ULK4: variants seen among roughly 807,000 people sequenced by gnomAD.
ULK4 encodes the protein inactive serine/threonine-protein kinase ULK4.
A neutral mutation model predicts 160.6 loss-of-function variants in ULK4; 133 were observed. The observed-to-expected ratio is 0.83, with a 90% CI of 0.72 to 0.96. The LOEUF (loss-of-function observed/expected upper bound fraction) is 0.96. Among genes scored for constraint, ULK4 ranks in the 40% least tolerant of loss-of-function variants. The pLI is 0.00. For synonymous variants in ULK4, 534 were observed against 539.8 expected, an observed-to-expected ratio of 0.99 and a Z score of 0.15; for missense variants, 1,580 against 1,499.5, an observed-to-expected ratio of 1.05 and a Z score of -0.89.
chr3:41,311,899 A>G (rs2080058013), intron 35 of ULK4, among the ~76,000 whole-genome samples: 1 of 143,988 alleles, frequency 6.9e-6, no homozygotes, highest in Non-Finnish European at 1.5e-5. Context: ...TATATATCCT[A>G]TTAGTTCTGT....
intron 21 of ULK4, among the ~76,000 whole-genome samples, chr3:41,772,877 C>A (rs954868117): frequency 6.6e-6 from 1 of 152,190 alleles, no homozygotes; most frequent in Non-Finnish European, 1.5e-5. Context: ...CCACCATGAT[C>A]AAGTGGGCTT....
At chr3:41,532,917 C>T (rs1041689946) in intron 32 of ULK4, among the ~76,000 whole-genome samples, 1 of 152,168 alleles carries the variant, frequency 6.6e-6, no homozygotes, top group East Asian at 1.9e-4. Context: ...TCTTTCTCCA[C>T]CCCTTGAACC....
intron 30 of ULK4, among the ~76,000 whole-genome samples, chr3:41,634,575 G>T (rs554026686): frequency 6.6e-6 from 1 of 152,170 alleles, no homozygotes; most frequent in Non-Finnish European, 1.5e-5. Flanking sequence ...CAAGTTAACA[G>T]GCAAATGTCT....
At chr3:41,819,207 G>A (rs2041062070) in intron 19 of ULK4, among the ~76,000 whole-genome samples, 2 of 152,148 alleles carry the variant, frequency 1.3e-5, no homozygotes, top group African/African-American at 2.4e-5. Flanking sequence ...CCTTTAAAAA[G>A]CAAGACATTT....
chr3:41,531,464 GGGAGGGGAGAGGAGGGGAGA>G (rs370566098), intron 32 of ULK4, among the ~76,000 whole-genome samples: 1,791 of 109,496 alleles, frequency 0.016, 71 homozygotes, highest in African/African-American at 0.066. Flanking sequence ...GGGAGGGGAG[GGGAGGGGAGAGGAGGGGAGA>G]GGAGAGGAGA....
chr3:41,502,595 T>C (rs1480919028), intron 32 of ULK4, among the ~76,000 whole-genome samples: 6 of 152,216 alleles, frequency 3.9e-5, no homozygotes, highest in African/African-American at 9.6e-5. Context: ...AATACAGTCA[T>C]ACAGTGGAAT....
intron 32 of ULK4, among the ~76,000 whole-genome samples, chr3:41,480,016 GCTAACACGATGAAAC>G (rs898808047): frequency 2.0e-5 from 3 of 151,940 alleles, no homozygotes; most frequent in Non-Finnish European, 4.4e-5. Flanking sequence ...GACCATCCTG[GCTAACACGATGAAAC>G]CTTGTCTCTA....
chr3:41,915,988 A>C lies in ULK4; in HGVS notation c.792T>G (p.Asp264Glu), dbSNP rs777704025. 6.3e-7 allele frequency: 1 copy of C among 1,589,222 alleles called. No homozygotes were observed. Among genetic ancestry groups the C allele is most frequent in the East Asian group, 2.3e-5 (1 of 44,342 alleles). ...INLLDGLLQR[D>E]PQKRLTWTRL... ...ACTACTGTCCCTACCTTTTCTGAGGATCTCTTTGAAGTAACCCATCAAGCA... is the reference window on the plus strand; with the variant it reads ...ACTACTGTCCCTACCTTTTCTGAGGCTCTCTTTGAAGTAACCCATCAAGCA... Residue 264 changes from aspartate to glutamate, a missense_variant, in exon 8 of 37, where the codon GAT (aspartate) becomes GAG (glutamate). Transcript: ENST00000301831.
At chr3:41,674,783 A>C (rs189101524) in intron 29 of ULK4, among the ~76,000 whole-genome samples, 5 of 152,314 alleles carry the variant, frequency 3.3e-5, no homozygotes, top group Admixed American at 3.3e-4. Context: ...GCTTGAAGAC[A>C]GAGGGATTCT....
chr3:41,782,942 G>A (rs1479703010), intron 21 of ULK4, among the ~76,000 whole-genome samples: 2 of 150,692 alleles, frequency 1.3e-5, no homozygotes, highest in African/African-American at 4.9e-5. Flanking sequence ...TGCATAAATT[G>A]ACTTAAACAC....
chr3:41,666,720 T>C (rs528299395), intron 29 of ULK4, among the ~76,000 whole-genome samples: 1 of 152,208 alleles, frequency 6.6e-6, no homozygotes, highest in Non-Finnish European at 1.5e-5. Flanking sequence ...CTTATTCACA[T>C]GCTTGTGTGG....
Position 41,909,416 on chromosome 3 carries a change from A to C in ULK4, c.1086-1475T>G, listed in dbSNP as rs532126071. 6.6e-5 allele frequency among the ~76,000 whole-genome samples: 10 copies of C among 152,288 alleles called. No homozygotes were observed. The South Asian group carries it at 1.9e-3, about 28-fold the overall frequency. ...GGAGGTTCTAAAAAGTTAAATTTAA[A>C]ATGTATAAAATGGGGCAGGCACTGT... On this transcript the variant is annotated intron_variant, in intron 11 of 36. Transcript: ENST00000301831.
At chr3:41,773,372 G>C (rs1362235747) in intron 21 of ULK4, among the ~76,000 whole-genome samples, 1 of 152,184 alleles carries the variant, frequency 6.6e-6, no homozygotes, top group Non-Finnish European at 1.5e-5. Context: ...CTTCAGCAAA[G>C]TCTCAGGATA....
chr3:41,575,475 G>C (rs776751096), intron 31 of ULK4, among the ~76,000 whole-genome samples: 3 of 152,156 alleles, frequency 2.0e-5, no homozygotes, highest in Non-Finnish European at 2.9e-5. Flanking sequence ...AATGTATGGT[G>C]CTCTCACCCC....
rs1292691716 is a variant in ULK4 at position 41,642,987 on chromosome 3, T to G, written c.3071+20620A>C. ...TGTGTCTGTTGGCTGCATAAATGTC[T>G]CCTTTTGAGAAGTGTCTGTTCATAT... On this transcript the variant is annotated intron_variant, in intron 30 of 36. Coordinates refer to ENST00000301831, the MANE Select transcript of ULK4 (RefSeq NM_017886.4). Among the ~76,000 whole-genome samples, 4 of 152,362 alleles carry G rather than the reference T, an allele frequency of 2.6e-5. No individual in the cohort carries two copies. In the East Asian group the frequency reaches 5.8e-4, roughly 22 times the overall value.
intron 17 of ULK4, among the ~76,000 whole-genome samples, chr3:41,883,126 G>A (rs939563522): frequency 2.0e-5 from 3 of 152,128 alleles, no homozygotes; most frequent in East Asian, 3.8e-4. Context: ...GACACTATAA[G>A]GCCAGCTGGG....
intron 34 of ULK4, among the ~76,000 whole-genome samples, chr3:41,418,677 C>G (rs1361639986): frequency 8.8e-6 from 1 of 114,034 alleles, no homozygotes; most frequent in Non-Finnish European, 1.8e-5. Context: ...CATTCAGGAC[C>G]CTAAGAGGAT....
intron 22 of ULK4, among the ~76,000 whole-genome samples, chr3:41,724,520 C>G (rs865962214): frequency 6.6e-6 from 1 of 151,986 alleles, no homozygotes; most frequent in Non-Finnish European, 1.5e-5. Context: ...GTCAGGAGAT[C>G]GAGACCATCC....
chr3:41,772,742 C>T (rs559510867), intron 21 of ULK4, among the ~76,000 whole-genome samples: 1 of 152,244 alleles, frequency 6.6e-6, no homozygotes, highest in Non-Finnish European at 1.5e-5. Flanking sequence ...CATCCTGATA[C>T]CAAAGCCTGG....
Sources: allele counts gnomAD v4.1 joint callset (sites outside exome capture counted in the v4.1 genomes callset), GRCh38; gene constraint gnomAD v4.1.1; transcripts MANE v1.5; gene names NCBI Gene and HGNC (gene_info 2026-07-23, HGNC 2026-07-21).